CPVL: variants seen among roughly 807,000 people sequenced by gnomAD.
The protein encoded by CPVL is carboxypeptidase vitellogenic like.
Under a neutral mutation model 63.7 loss-of-function variants are expected in CPVL, and 51 were observed. The ratio of observed to expected loss-of-function variants is 0.80; its 90% confidence interval spans 0.64 to 1.01. The LOEUF (loss-of-function observed/expected upper bound fraction) is 1.01. Ranked by LOEUF, CPVL falls within the 50% of genes least tolerant of loss-of-function variation. The probability of loss-of-function intolerance (pLI) is 0.00; values close to 1 mark genes in which losing one functional copy is unlikely to be tolerated. For synonymous variants in CPVL, 195 were observed against 206.0 expected (o/e 0.95, Z 0.46); for missense variants, 530 against 573.1 (o/e 0.92, Z 0.77).
chr7:29,171,314 AAAG>A (rs1464953034), intron 5 of CPVL, among the ~76,000 whole-genome samples: 4 of 152,210 alleles, frequency 2.6e-5, no homozygotes, highest in African/African-American at 9.6e-5. Context: ...ACAGGTCTAT[AAAG>A]AAGAACAACC....
At chr7:29,006,887 A>G (rs1785247448) in intron 12 of CPVL, among the ~76,000 whole-genome samples, 1 of 148,028 alleles carries the variant, frequency 6.8e-6, no homozygotes, top group Admixed American at 6.8e-5. Context: ...CTATTTCTCT[A>G]CCCTACTCCA....
chr7:29,188,644 A>G (rs1329634495), intron 1 of CPVL, among the ~76,000 whole-genome samples: 1 of 152,138 alleles, frequency 6.6e-6, no homozygotes, highest in Non-Finnish European at 1.5e-5. Context: ...GGCAGAGGAC[A>G]TTCAGAGTAC....
rs577820936 is a variant in CPVL at position 29,102,438 on chromosome 7, T to G, written c.289-6221A>C. Among the ~76,000 whole-genome samples the G allele has an allele frequency of 1.4e-4, 22 of 152,186 alleles. 1 individual carries two copies. In the East Asian group the frequency reaches 2.5e-3, roughly 17 times the overall value. On this transcript the variant is annotated intron_variant, in intron 3 of 12. Transcript: ENST00000265394. ...TTAAAGAAGGCCTCTGGTGGTAGGG[T>G]AACATTTGAGCTGAGATCTAAAATA...
intron 3 of CPVL, among the ~76,000 whole-genome samples, chr7:29,107,258 T>C (rs1787807120): frequency 6.6e-6 from 1 of 152,238 alleles, no homozygotes. Flanking sequence ...GGGAGGGGAC[T>C]GCCCAAGGGC....
At chr7:29,067,064 G>GT (rs750373861) in intron 9 of CPVL, among the ~76,000 whole-genome samples, 3 of 152,216 alleles carry the variant, frequency 2.0e-5, no homozygotes, top group Non-Finnish European at 4.4e-5. Context: ...TTGCAGGGCT[G>GT]TAAGATCAGT....
chr7:29,096,200 G>A lies in CPVL; in HGVS notation c.306C>T (p.Ala102=). ...CACCCTGTAGCCAGAGAACTACTGGGGCATCTTCTGGCTGTATCTAGAGGA... is the reference window on the plus strand; with the variant it reads ...CACCCTGTAGCCAGAGAACTACTGGAGCATCTTCTGGCTGTATCTAGAGGA... ...FFPAQIQPED[A]PVVLWLQGGP... Residue 102 remains alanine (A), a synonymous_variant, in exon 4 of 13, where the codon GCC becomes GCT. Transcript: ENST00000265394. 6.2e-7 allele frequency: 1 copy of A among 1,613,880 alleles called. No individual in the cohort carries two copies. The highest frequency in any genetic ancestry group is 8.5e-7 in the Non-Finnish European group (1 of 1,179,810).
At chr7:29,034,597 T>C (rs1221732775) in intron 11 of CPVL, among the ~76,000 whole-genome samples, 2 of 152,096 alleles carry the variant, frequency 1.3e-5, no homozygotes, top group Non-Finnish European at 2.9e-5. Context: ...GGCCCCAGTA[T>C]GTGTTGTTCC....
At chr7:29,153,696 A>G (rs1793937714) in intron 5 of CPVL, among the ~76,000 whole-genome samples, 1 of 152,058 alleles carries the variant, frequency 6.6e-6, no homozygotes, top group Admixed American at 6.5e-5. Context: ...CAGCCTCCTG[A>G]GTGGCTGGGA....
intron 12 of CPVL, among the ~76,000 whole-genome samples, chr7:29,014,378 G>C (rs1354681146): frequency 6.6e-6 from 1 of 152,180 alleles, no homozygotes; most frequent in African/African-American, 2.4e-5. Context: ...TGACGCCCAG[G>C]CTGGGGTGCA....
At chr7:29,083,186 C>G (rs903514052) in intron 7 of CPVL, among the ~76,000 whole-genome samples, 4 of 152,222 alleles carry the variant, frequency 2.6e-5, no homozygotes. Flanking sequence ...CAGTTACTTG[C>G]CATTCCCATG....
intron 12 of CPVL, among the ~76,000 whole-genome samples, chr7:29,028,966 CAAA>C (rs59054295): frequency 2.3e-5 from 2 of 88,538 alleles, no homozygotes; most frequent in Admixed American, 2.5e-4. Context: ...GACTCCATCT[CAAA>C]AAAAAAAAAA....
At chr7:29,076,729 G>A (rs746239050) in intron 7 of CPVL, among the ~76,000 whole-genome samples, 1 of 152,202 alleles carries the variant, frequency 6.6e-6, no homozygotes, top group Non-Finnish European at 1.5e-5. Context: ...ATTAGGGTGT[G>A]TTTGTACATG....
chr7:29,164,583 C>T (rs1378265245), intron 5 of CPVL, among the ~76,000 whole-genome samples: 4 of 151,854 alleles, frequency 2.6e-5, no homozygotes, highest in Admixed American at 2.6e-4. Flanking sequence ...TCAGAAGAGA[C>T]CAGCCTGAGC....
At chr7:29,149,721 CT>C (rs1306781654), upstream of CPVL, among the ~76,000 whole-genome samples, 6 of 152,086 alleles carry the variant, frequency 3.9e-5, no homozygotes, top group African/African-American at 1.4e-4. Context: ...TTCCTCGCTG[CT>C]TCTAGGTTCT....
At chr7:29,104,798 G>C (rs750641287) in intron 3 of CPVL, among the ~76,000 whole-genome samples, 39 of 152,198 alleles carry the variant, frequency 2.6e-4, no homozygotes, top group Non-Finnish European at 5.6e-4. Flanking sequence ...CGGATGCAGG[G>C]AGGTGTGGAG....
At chr7:29,032,024 C>G (rs1788068399) in intron 11 of CPVL, among the ~76,000 whole-genome samples, 1 of 152,014 alleles carries the variant, frequency 6.6e-6, no homozygotes, top group African/African-American at 2.4e-5. Flanking sequence ...TTTTATGCAA[C>G]TAACATATTA....
intron 1 of CPVL, among the ~76,000 whole-genome samples, chr7:29,124,059 G>A (rs889094154): frequency 1.3e-5 from 2 of 152,096 alleles, no homozygotes; most frequent in Admixed American, 1.3e-4. Context: ...TCATTCAACA[G>A]TCAGAATTCC....
At chr7:29,084,153 C>T (rs138240673) in intron 7 of CPVL, among the ~76,000 whole-genome samples, 163 of 152,290 alleles carry the variant, frequency 1.1e-3, no homozygotes, top group African/African-American at 3.5e-3. Flanking sequence ...GAACACTGGA[C>T]CCTCAATGGT....
rs1421743835 is a variant in CPVL, at chr7:28,995,756, C to CT, written c.*15dup. The CT allele has an allele frequency of 6.9e-7, 1 of 1,443,326 alleles. No homozygotes were observed. The highest frequency in any genetic ancestry group is 9.6e-7 in the Non-Finnish European group (1 of 1,038,730). 89.4% of individuals were successfully genotyped at this position (1,443,326 alleles called of 1,614,324 possible). ...CAGCAATGAAAACCTCTGATGTTCT[C>CT]TTTTGGGAAGGTAGTTTATCCAACA... On this transcript the variant is annotated 3_prime_UTR_variant, in exon 13 of 13. Coordinates refer to ENST00000265394, the MANE Select transcript of CPVL (RefSeq NM_031311.5).
Sources: gnomAD v4.1 joint callset for allele counts (sites outside exome capture counted in the v4.1 genomes callset) on GRCh38, gnomAD v4.1.1 for gene constraint, MANE v1.5 for transcripts, NCBI Gene and HGNC (gene_info 2026-07-23, HGNC 2026-07-21) for gene names.